The following LRRIQ1 variants were observed in gnomAD, a reference collection of about 807,000 sequenced individuals.
LRRIQ1 encodes the protein leucine rich repeats and IQ motif containing 1.
In LRRIQ1, 210 loss-of-function variants were observed where a neutral mutation model predicts 211.9. The ratio of observed to expected loss-of-function variants is 0.99; its 90% CI spans 0.89 to 1.11. The LOEUF is 1.11. Ranked by LOEUF, LRRIQ1 falls within the 50% of genes most tolerant of loss-of-function variation. The pLI, the probability that LRRIQ1 is intolerant of heterozygous loss-of-function variation, is 0.00. For missense variants in LRRIQ1, 2,136 were observed against 1,939.5 expected (o/e 1.10, Z -1.90); for synonymous variants, 699 against 650.1 (o/e 1.08, Z -1.14).
intron 1 of LRRIQ1, among the ~76,000 whole-genome samples, chr12:85,258,693 G>A (rs117347941): frequency 3.4e-3 from 523 of 151,890 alleles, no homozygotes; most frequent in Middle Eastern, 0.014. Context: ...GCTAAAAATT[G>A]GTTCTGGTCA....
intron 24 of LRRIQ1, among the ~76,000 whole-genome samples, chr12:85,201,436 G>A (rs1893287589): frequency 1.3e-5 from 2 of 151,488 alleles, no homozygotes; most frequent in Non-Finnish European, 2.9e-5. Flanking sequence ...TTGTTTGATT[G>A]GCCAACTTAC....
intron 24 of LRRIQ1, among the ~76,000 whole-genome samples, chr12:85,195,652 A>G (rs1892864376): frequency 6.6e-6 from 1 of 151,308 alleles, no homozygotes. Flanking sequence ...CTCTCAATAA[A>G]TTAGGTATTG....
chr12:85,046,197 T>A, intron 5 of LRRIQ1, 60 bp downstream of exon 5: 3 of 994,530 alleles, frequency 3.0e-6, no homozygotes, highest in Non-Finnish European at 4.6e-6. Context: ...CATAGTTATT[T>A]AAAAAAAATT....
At chr12:85,157,880 G>A (rs1890641223) in intron 23 of LRRIQ1, among the ~76,000 whole-genome samples, 1 of 151,760 alleles carries the variant, frequency 6.6e-6, no homozygotes, top group South Asian at 2.1e-4. Flanking sequence ...ATTAAAAAAA[G>A]GCTAATTTTT....
intron 24 of LRRIQ1, among the ~76,000 whole-genome samples, chr12:85,191,932 A>C (rs1308838402): frequency 6.6e-6 from 1 of 151,884 alleles, no homozygotes; most frequent in South Asian, 2.1e-4. Flanking sequence ...TGTGGTGTCT[A>C]TTCAGGTCTT....
intron 24 of LRRIQ1, among the ~76,000 whole-genome samples, chr12:85,207,701 G>T (rs1269598673): frequency 6.6e-6 from 1 of 152,148 alleles, no homozygotes; most frequent in Admixed American, 6.5e-5. Context: ...CTATTTTGAA[G>T]GGTGTGAGAT....
intron 24 of LRRIQ1, among the ~76,000 whole-genome samples, chr12:85,195,271 T>C (rs1040348149): frequency 7.9e-5 from 12 of 151,910 alleles, no homozygotes; most frequent in African/African-American, 2.4e-4. Flanking sequence ...CCATTCCTTC[T>C]GAAACTATTC....
chr12:85,123,210 A>AT (rs1456915277), intron 16 of LRRIQ1, among the ~76,000 whole-genome samples: 4 of 152,062 alleles, frequency 2.6e-5, no homozygotes, highest in African/African-American at 7.2e-5. Context: ...GAGCTATCAA[A>AT]TTGTCTCTAC....
At chr12:85,245,776 A>G (rs182874762), downstream of LRRIQ1, among the ~76,000 whole-genome samples, 1 of 150,940 alleles carries the variant, frequency 6.6e-6, no homozygotes, top group Non-Finnish European at 1.5e-5. Flanking sequence ...CCCAATATAT[A>G]GTGAAACTCA....
At chr12:85,111,752 C>CT in intron 15 of LRRIQ1, among the ~76,000 whole-genome samples, 1 of 151,996 alleles carries the variant, frequency 6.6e-6, no homozygotes, top group East Asian at 1.9e-4. Context: ...TTTGGGAAGA[C>CT]TTTTTTCATC....
intron 1 of LRRIQ1, among the ~76,000 whole-genome samples, chr12:85,257,078 ATATAATTATAT>A (rs1195610626): frequency 1.3e-4 from 14 of 110,996 alleles, no homozygotes; most frequent in East Asian, 4.7e-4. Context: ...ATATAAATAT[ATATAATTATAT>A]TATATAATTA....
intron 15 of LRRIQ1, among the ~76,000 whole-genome samples, chr12:85,116,165 C>G (rs919995357): frequency 1.3e-4 from 20 of 152,164 alleles, no homozygotes; most frequent in African/African-American, 4.8e-4. Context: ...TTGTTTGAGA[C>G]GGAGTCTCGC....
At chr12:85,092,756 A>G (rs1177599747) in intron 11 of LRRIQ1, among the ~76,000 whole-genome samples, 1 of 152,212 alleles carries the variant, frequency 6.6e-6, no homozygotes, top group Admixed American at 6.5e-5. Flanking sequence ...CATGTAGAAC[A>G]GAAGCAGTTA....
chr12:85,272,497 T>G, the LRRIQ1 span, among the ~76,000 whole-genome samples: 1 of 152,190 alleles, frequency 6.6e-6, no homozygotes, highest in Admixed American at 6.5e-5. Context: ...CAAGTCCTTT[T>G]TAAATACTTA....
chr12:85,161,378 T>A (rs1231006314), intron 24 of LRRIQ1, among the ~76,000 whole-genome samples: 2 of 152,112 alleles, frequency 1.3e-5, no homozygotes. Context: ...TTAGTTTTTA[T>A]ACTAAAAAAT....
At chr12:85,155,241 G>A (rs7132143) in intron 23 of LRRIQ1, among the ~76,000 whole-genome samples, 1 of 151,202 alleles carries the variant, frequency 6.6e-6, no homozygotes, top group Admixed American at 6.6e-5. Context: ...ATTTTTTCAG[G>A]TTTAAAACAT....
In LRRIQ1 at chr12:85,157,476, G is replaced by A. The variant is rs549272221; in HGVS notation, c.4721-3137G>A. On this transcript the variant is annotated intron_variant, in intron 23 of 26. Transcript: ENST00000393217. ...ATAATGACTGGTCTTGTATTTCTGG[G>A]TTTTATTTGTTTGTTTGTTTGTATT... is the stretch of plus-strand genomic sequence containing the variant. Among the ~76,000 whole-genome samples, 373 of 151,618 alleles carry A rather than the reference G, an allele frequency of 2.5e-3. 4 individuals are homozygous for A. Among genetic ancestry groups the A allele is most frequent in the African/African-American group, 8.9e-3 (366 of 41,188 alleles).
intron 24 of LRRIQ1, among the ~76,000 whole-genome samples, chr12:85,170,264 G>GTATATATATA (rs35828890): frequency 1.4e-5 from 2 of 147,808 alleles, no homozygotes; most frequent in African/African-American, 4.9e-5. Flanking sequence ...TGTGCATATT[G>GTATATATATA]TATATATATA....
At chr12:85,092,883 T>C (rs1256896739) in intron 11 of LRRIQ1, among the ~76,000 whole-genome samples, 5 of 152,212 alleles carry the variant, frequency 3.3e-5, no homozygotes, top group African/African-American at 1.2e-4. Flanking sequence ...TCCTGCCTGC[T>C]GCTAATGACA....
Sources: allele counts gnomAD v4.1 joint callset (sites outside exome capture counted in the v4.1 genomes callset), GRCh38; gene constraint gnomAD v4.1.1; transcripts MANE v1.5; gene names NCBI Gene and HGNC (gene_info 2026-07-23, HGNC 2026-07-21).